CACNA2D1: variants seen among roughly 807,000 people sequenced by gnomAD.
CACNA2D1 encodes the protein voltage-dependent calcium channel subunit alpha-2/delta-1.
Under a neutral mutation model 171.5 loss-of-function variants are expected in CACNA2D1, and 53 were observed. That is an observed-to-expected ratio of 0.31 (90% CI 0.25 to 0.39). The LOEUF is 0.39. Ranked by LOEUF, CACNA2D1 falls within the 10% of genes least tolerant of loss-of-function variation. The pLI is 1.00. For missense variants in CACNA2D1, 903 were observed against 1,299.8 expected, an observed-to-expected ratio of 0.69 and a Z score of 4.69; for synonymous variants, 442 against 443.1, an observed-to-expected ratio of 1.00 and a Z score of 0.03.
intron 24 of CACNA2D1, among the ~76,000 whole-genome samples, chr7:81,974,903 A>C (rs1795676399): frequency 6.6e-6 from 1 of 152,156 alleles, no homozygotes; most frequent in African/African-American, 2.4e-5. Context: ...ATTAGGACAA[A>C]AACCTAATGC....
intron 38 of CACNA2D1, among the ~76,000 whole-genome samples, chr7:81,955,134 T>TGACC (rs1310752483): frequency 6.6e-6 from 1 of 152,186 alleles, no homozygotes; most frequent in African/African-American, 2.4e-5. Flanking sequence ...AAGTCTTGTT[T>TGACC]GAACACTTGA....
At chr7:82,014,585 T>C in intron 12 of CACNA2D1, 106 bp from the exon 13 acceptor site, 1 of 707,558 alleles carries the variant, frequency 1.4e-6, no homozygotes, top group Middle Eastern at 3.7e-4. Flanking sequence ...TCCAGTTGAA[T>C]GATATGACAA....
At chr7:82,262,106 C>T (rs1302791736) in intron 3 of CACNA2D1, among the ~76,000 whole-genome samples, 1 of 152,134 alleles carries the variant, frequency 6.6e-6, no homozygotes, top group Non-Finnish European at 1.5e-5. Flanking sequence ...CCGAGGCGGG[C>T]AGATCACGAG....
intron 5 of CACNA2D1, among the ~76,000 whole-genome samples, chr7:82,135,662 ATG>A (rs951305693): frequency 6.6e-6 from 1 of 152,058 alleles, no homozygotes; most frequent in African/African-American, 2.4e-5. Flanking sequence ...TCAAGCCATT[ATG>A]TGTTTTCTCA....
intron 6 of CACNA2D1, among the ~76,000 whole-genome samples, chr7:82,116,155 T>G (rs1789013772): frequency 6.6e-6 from 1 of 152,096 alleles, no homozygotes; most frequent in African/African-American, 2.4e-5. Flanking sequence ...CTTTACTATG[T>G]GAGAAGGCAG....
chr7:82,163,381 T>C (rs149057584), intron 4 of CACNA2D1, among the ~76,000 whole-genome samples: 2,754 of 152,180 alleles, frequency 0.018, 31 homozygotes, highest in South Asian at 0.029. Context: ...AATATATGTT[T>C]GGAGATGGCA....
At chr7:82,187,841 G>T (rs1797917062) in intron 3 of CACNA2D1, among the ~76,000 whole-genome samples, 1 of 152,134 alleles carries the variant, frequency 6.6e-6, no homozygotes, top group Admixed American at 6.6e-5. Flanking sequence ...AGACTGGGAA[G>T]TCCAAGATCA....
At chr7:82,411,315 T>C (rs1005992631) in intron 1 of CACNA2D1, among the ~76,000 whole-genome samples, 1 of 152,216 alleles carries the variant, frequency 6.6e-6, no homozygotes, top group Admixed American at 6.5e-5. Context: ...TTACTGTCTA[T>C]ATAGTCCAGA....
At chr7:82,286,561 T>C (rs1810795166) in intron 3 of CACNA2D1, among the ~76,000 whole-genome samples, 1 of 152,180 alleles carries the variant, frequency 6.6e-6, no homozygotes, top group South Asian at 2.1e-4. Context: ...CCAAAGTGAT[T>C]TTCTGAAGTC....
At chr7:82,254,593 C>G (rs1806065716) in intron 3 of CACNA2D1, among the ~76,000 whole-genome samples, 1 of 152,072 alleles carries the variant, frequency 6.6e-6, no homozygotes, top group African/African-American at 2.4e-5. Flanking sequence ...GGTGGAAACT[C>G]CTAGTGGTAG....
At chr7:82,145,288 TAA>T (rs997737424) in intron 4 of CACNA2D1, among the ~76,000 whole-genome samples, 1 of 144,666 alleles carries the variant, frequency 6.9e-6, no homozygotes, top group Admixed American at 7.0e-5. Flanking sequence ...AAATAAAAAA[TAA>T]AAATATATAA....
chr7:82,180,369 G>C (rs1243409137), intron 3 of CACNA2D1, among the ~76,000 whole-genome samples: 3 of 152,132 alleles, frequency 2.0e-5, no homozygotes, highest in Non-Finnish European at 2.9e-5. Flanking sequence ...CTGGGTTTGA[G>C]AGTCCAGAGA....
intron 1 of CACNA2D1, among the ~76,000 whole-genome samples, chr7:82,379,093 CAG>C (rs1433275483): frequency 1.3e-5 from 2 of 151,880 alleles, no homozygotes; most frequent in African/African-American, 2.4e-5. Context: ...GTTTTTTAAA[CAG>C]GGGTGAGAGA....
rs190426261 is a variant in CACNA2D1, at chr7:82,184,505, C to G, written c.295-13896G>C. 4.0e-5 allele frequency among the ~76,000 whole-genome samples: 6 copies of G among 151,732 alleles called. No individual in the cohort carries two copies. The East Asian group carries it at 9.7e-4, about 25-fold the overall frequency. On this transcript the variant is annotated intron_variant, in intron 3 of 38. Transcript: ENST00000356860. ...TAATACTATTATTATTTCTCTTCTT[C>G]TTAAGTGAGTTTTAATGATTTCGGT...
At chr7:82,134,147 C>T (rs1791338335) in intron 5 of CACNA2D1, among the ~76,000 whole-genome samples, 1 of 151,890 alleles carries the variant, frequency 6.6e-6, no homozygotes, top group Non-Finnish European at 1.5e-5. Context: ...TAACAAAAAA[C>T]CAACATGCTT....
At chr7:82,401,079 G>T (rs1826348219) in intron 1 of CACNA2D1, among the ~76,000 whole-genome samples, 1 of 152,114 alleles carries the variant, frequency 6.6e-6, no homozygotes, top group African/African-American at 2.4e-5. Context: ...AGGATGTGGA[G>T]AAATAGTAAC....
chr7:82,067,320 T>C lies in CACNA2D1; in HGVS notation c.659-796A>G, dbSNP rs956779600. Among the ~76,000 whole-genome samples, 9 of 152,304 alleles carry C rather than the reference T, an allele frequency of 5.9e-5. No individual in the cohort carries two copies. The South Asian group carries it at 1.9e-3, about 32-fold the overall frequency. ...TTTCATGCTGAAGTAGTCCCCGTAC[T>C]TGGACATGTTTAAACATATGACTCC... On this transcript the variant is annotated intron_variant, in intron 7 of 38. Transcript: ENST00000356860.
At chr7:82,284,033 A>G (rs1156979458) in intron 3 of CACNA2D1, among the ~76,000 whole-genome samples, 1 of 151,956 alleles carries the variant, frequency 6.6e-6, no homozygotes, top group Non-Finnish European at 1.5e-5. Context: ...AACTTCAAAT[A>G]TAGAAACTAC....
At chr7:82,187,248 T>C (rs750292945) in intron 3 of CACNA2D1, among the ~76,000 whole-genome samples, 26 of 152,194 alleles carry the variant, frequency 1.7e-4, no homozygotes, top group Admixed American at 6.5e-5. Flanking sequence ...TGAAGGTAAG[T>C]ACCACAATAA....
Sources: allele counts gnomAD v4.1 joint callset (sites outside exome capture counted in the v4.1 genomes callset), GRCh38; gene constraint gnomAD v4.1.1; transcripts MANE v1.5; gene names NCBI Gene and HGNC (gene_info 2026-07-23, HGNC 2026-07-21).